Variants in KAT2B observed in about 807,000 individuals in gnomAD.
KAT2B encodes histone acetyltransferase KAT2B.
Under a neutral mutation model 105.9 loss-of-function variants are expected in KAT2B, and 36 were observed. That is an observed-to-expected ratio of 0.34 (90% confidence interval 0.26 to 0.45). The LOEUF (loss-of-function observed/expected upper bound fraction) is 0.45. Among genes scored for constraint, KAT2B ranks in the 20% least tolerant of loss-of-function variants. The probability of loss-of-function intolerance (pLI) is 1.00; values close to 1 mark genes in which losing one functional copy is unlikely to be tolerated. For synonymous variants in KAT2B, 397 were observed against 377.9 expected, an observed-to-expected ratio of 1.05 and a Z score of -0.59; for missense variants, 820 against 1,021.6, an observed-to-expected ratio of 0.80 and a Z score of 2.69.
intron 2 of KAT2B, among the ~76,000 whole-genome samples, chr3:20,075,892 G>A (rs1171197646): frequency 1.4e-5 from 2 of 147,428 alleles, no homozygotes; most frequent in African/African-American, 2.5e-5. Context: ...GGGCGACAGA[G>A]CGAGACTCCC....
intron 1 of KAT2B, among the ~76,000 whole-genome samples, chr3:20,065,003 C>T (rs879212477): frequency 3.3e-5 from 5 of 152,206 alleles, no homozygotes; most frequent in South Asian, 2.1e-4. Flanking sequence ...CACCCCTTGT[C>T]TGTCTGTAAT....
At chr3:20,090,514 A>G (rs1334669611) in intron 2 of KAT2B, among the ~76,000 whole-genome samples, 2 of 152,126 alleles carry the variant, frequency 1.3e-5, no homozygotes, top group Non-Finnish European at 2.9e-5. Context: ...TTATTGCTGA[A>G]CCATCCTTGC....
intron 13 of KAT2B, among the ~76,000 whole-genome samples, chr3:20,141,355 A>G (rs1252218206): frequency 8.1e-6 from 1 of 123,826 alleles, no homozygotes; most frequent in East Asian, 5.1e-4. Flanking sequence ...AATAATTTCA[A>G]ATTTTCTAAG....
chr3:20,058,757 G>A (rs184539116), intron 1 of KAT2B, among the ~76,000 whole-genome samples: 1 of 152,290 alleles, frequency 6.6e-6, no homozygotes, highest in African/African-American at 2.4e-5. Flanking sequence ...AAAAGGGCTT[G>A]TGTCCCAGGG....
At chr3:20,074,928 T>C (rs886135696) in intron 2 of KAT2B, among the ~76,000 whole-genome samples, 1 of 152,208 alleles carries the variant, frequency 6.6e-6, no homozygotes, top group African/African-American at 2.4e-5. Context: ...AGAAACAGCA[T>C]TGATGTTTCA....
intron 5 of KAT2B, among the ~76,000 whole-genome samples, chr3:20,103,356 A>ATTATT (rs1698942751): frequency 6.6e-6 from 1 of 151,494 alleles, no homozygotes; most frequent in African/African-American, 2.5e-5. Flanking sequence ...ATCAAGAAAA[A>ATTATT]GGAGAATTAA....
chr3:20,067,983 C>A (rs1002828420), intron 1 of KAT2B, among the ~76,000 whole-genome samples: 4 of 146,540 alleles, frequency 2.7e-5, no homozygotes, highest in African/African-American at 1.0e-4. Context: ...AATTTCATTT[C>A]TTTTTTCTTT....
chr3:20,058,386 C>T (rs9817616), intron 1 of KAT2B, among the ~76,000 whole-genome samples: 59,980 of 142,378 alleles, frequency 0.42, 12,290 homozygotes, highest in Middle Eastern at 0.49. Context: ...ACCTGGGAGG[C>T]GGACATTGCA....
intron 17 of KAT2B, among the ~76,000 whole-genome samples, chr3:20,150,133 GA>G (rs1010628714): frequency 6.6e-6 from 1 of 152,198 alleles, no homozygotes; most frequent in African/African-American, 2.4e-5. Context: ...CACAAGGGGG[GA>G]AACTGACCTA....
intron 3 of KAT2B, among the ~76,000 whole-genome samples, chr3:20,097,797 A>G (rs773690090): frequency 2.0e-5 from 3 of 152,122 alleles, no homozygotes; most frequent in Non-Finnish European, 2.9e-5. Context: ...CGGCCTTCCA[A>G]AGTGCTGGGA....
intron 13 of KAT2B, among the ~76,000 whole-genome samples, chr3:20,143,034 G>T (rs1254122762): frequency 2.0e-5 from 3 of 152,074 alleles, no homozygotes; most frequent in Non-Finnish European, 1.5e-5. Flanking sequence ...TAAGGATGGG[G>T]AGACTCAATG....
rs955871280 is a variant in KAT2B at position 20,080,610 on chromosome 3, G to T, written c.430+8151G>T. Among the ~76,000 whole-genome samples the T allele has an allele frequency of 3.9e-5, 6 of 152,174 alleles. No individual in the cohort carries two copies. In the East Asian group the frequency reaches 9.6e-4, roughly 24 times the overall value. ...GTAAATAGTCATTGAATTCAATAATGGTAAAATGAGGGCTGGTTGCATATA... is the reference window on the plus strand; with the variant it reads ...GTAAATAGTCATTGAATTCAATAATTGTAAAATGAGGGCTGGTTGCATATA... On this transcript the variant is annotated intron_variant, in intron 2 of 17. Coordinates refer to ENST00000263754, the MANE Select transcript of KAT2B (RefSeq NM_003884.5).
Position 20,044,168 on chromosome 3 carries a change from T to C in KAT2B, c.303+3388T>C, listed in dbSNP as rs143109583. 5.1e-4 allele frequency among the ~76,000 whole-genome samples: 78 copies of C among 152,228 alleles called. 1 individual carries two copies. The highest frequency in any genetic ancestry group is 1.8e-3 in the African/African-American group (76 of 41,562). The stretch of plus-strand genomic sequence containing the variant: ...GGTAAAGGTTGCTTCAGAGTCATTT[T>C]GGTTCTGTGTTCATTAAAAATGTAG... On this transcript the variant is annotated intron_variant, in intron 1 of 17. Coordinates refer to ENST00000263754, the MANE Select transcript of KAT2B (RefSeq NM_003884.5).
chr3:20,065,913 T>C (rs925542422), intron 1 of KAT2B, among the ~76,000 whole-genome samples: 5 of 152,196 alleles, frequency 3.3e-5, no homozygotes, highest in Non-Finnish European at 1.5e-5. Context: ...GGAGGCCGCA[T>C]GTATTATTTA....
chr3:20,066,634 T>C (rs1187695045), intron 1 of KAT2B, among the ~76,000 whole-genome samples: 2 of 151,766 alleles, frequency 1.3e-5, no homozygotes, highest in Admixed American at 6.6e-5. Flanking sequence ...CCTGACCTCA[T>C]GTGTGATCCT....
chr3:20,093,020 T>C (rs1698750400), intron 2 of KAT2B, among the ~76,000 whole-genome samples: 1 of 152,162 alleles, frequency 6.6e-6, no homozygotes, highest in South Asian at 2.1e-4. Flanking sequence ...ATAAAGTCCA[T>C]TTTGTCTGAT....
intron 1 of KAT2B, among the ~76,000 whole-genome samples, chr3:20,053,151 G>T (rs1019991840): frequency 6.6e-6 from 1 of 152,088 alleles, no homozygotes; most frequent in East Asian, 1.9e-4. Context: ...TGGCCTGAAC[G>T]TCTCCTACAA....
chr3:20,141,168 A>G, intron 13 of KAT2B, among the ~76,000 whole-genome samples: 1 of 152,204 alleles, frequency 6.6e-6, no homozygotes, highest in South Asian at 2.1e-4. Context: ...TCAGTTATTC[A>G]TCTTACATAG....
At chr3:20,071,178 G>A (rs1269868883) in intron 1 of KAT2B, among the ~76,000 whole-genome samples, 1 of 152,098 alleles carries the variant, frequency 6.6e-6, no homozygotes, top group African/African-American at 2.4e-5. Flanking sequence ...TTTTGCGCTA[G>A]TCTTCTAAAT....
Sources: gnomAD v4.1 joint callset for allele counts (sites outside exome capture counted in the v4.1 genomes callset) on GRCh38, gnomAD v4.1.1 for gene constraint, MANE v1.5 for transcripts, NCBI Gene and HGNC (gene_info 2026-07-23, HGNC 2026-07-21) for gene names.